Variants in CYP2A7 observed in about 807,000 individuals in gnomAD.
CYP2A7 encodes cytochrome P450 2A7.
In CYP2A7, 36 loss-of-function variants were observed where a neutral mutation model predicts 42.0. The ratio of observed to expected loss-of-function variants is 0.86; its 90% CI spans 0.66 to 1.13. The LOEUF (loss-of-function observed/expected upper bound fraction) is 1.13, where lower values mean the gene tolerates loss of function less well. CYP2A7 is among the 50% of genes most tolerant of loss of function. CYP2A7 has a pLI of 0.00. For missense variants in CYP2A7, 661 were observed against 634.1 expected, an observed-to-expected ratio of 1.04 and a Z score of -0.46; for synonymous variants, 260 against 249.5, an observed-to-expected ratio of 1.04 and a Z score of -0.40.
At position 40,880,243 on chromosome 19, in the gene CYP2A7, G is replaced by T. The variant is rs1655078054; in HGVS notation, c.495C>A (p.Gly165=). 2 of 1,612,402 alleles carry T rather than the reference G, an allele frequency of 1.2e-6. No homozygotes were observed. Among genetic ancestry groups the T allele is most frequent in the African/African-American group, 2.7e-5 (2 of 74,794 alleles). ...GGAAGAAGGTGGGATCGATATTGGC[G>T]CCTGCGGGTGTGGAGGGAGAAGGGG... ...FLIEAIRSTH[G]ANIDPTFFLS... Residue 165 remains glycine (G), a splice_region_variant and synonymous_variant, in exon 4 of 9, where the codon GGC becomes GGA. Coordinates refer to ENST00000301146, the MANE Select transcript of CYP2A7 (RefSeq NM_000764.3).
intron 7 of CYP2A7, among the ~76,000 whole-genome samples, chr19:40,876,920 A>G (rs936252552): frequency 6.6e-6 from 1 of 151,700 alleles, no homozygotes; most frequent in Non-Finnish European, 1.5e-5. Flanking sequence ...TCCCTAAGAC[A>G]AAAGGCCTAA....
chr19:40,876,456 AGAGGG>A (rs1471408846), intron 8 of CYP2A7, 66 bp downstream of exon 8: 1 of 1,607,616 alleles, frequency 6.2e-7, no homozygotes, highest in African/African-American at 1.3e-5. Flanking sequence ...TACACCGCAG[AGAGGG>A]GAGGTGGGTG....
intron 5 of CYP2A7, 47 bp from the exon 6 acceptor site, chr19:40,878,040 A>G (rs1481054439): frequency 6.3e-7 from 1 of 1,579,648 alleles, no homozygotes; most frequent in Admixed American, 1.9e-5. Flanking sequence ...TCTTGCCCTC[A>G]GGGCCCTTCT....
Position 40,876,781 on chromosome 19 carries a change from G to A in CYP2A7, c.1162-113C>T. 5.0e-6 allele frequency: 7 copies of A among 1,398,126 alleles called. No individual in the cohort carries two copies. The South Asian group carries it at 6.8e-5, about 14-fold the overall frequency. 86.6% of individuals were successfully genotyped at this position (1,398,126 alleles called of 1,614,324 possible). On this transcript the variant is annotated intron_variant, in intron 7 of 8. Coordinates refer to ENST00000301146, the MANE Select transcript of CYP2A7 (RefSeq NM_000764.3). The stretch of plus-strand genomic sequence containing the variant: ...CCAGGTAAGGGGAAGTGGCAGGCAT[G>A]GAGGAGTTGGGGTCCTGTGAAGGAG...
At position 40,880,260 on chromosome 19, in the gene CYP2A7, G is replaced by C. The variant is rs781398948; in HGVS notation, c.494-16C>G. ...ATATTGGCGCCTGCGGGTGTGGAGG[G>C]AGAAGGGGGTTGGGGAGAGAGTCAA... is the stretch of plus-strand genomic sequence containing the variant. On this transcript the variant is annotated splice_polypyrimidine_tract_variant and intron_variant, in intron 3 of 8. Transcript: ENST00000301146. The C allele has an allele frequency of 6.2e-7, 1 of 1,612,466 alleles. No homozygotes were observed. The highest frequency in any genetic ancestry group is 8.5e-7 in the Non-Finnish European group (1 of 1,178,976).
chr19:40,881,607 A>T lies in CYP2A7; in HGVS notation c.325T>A (p.Trp109Arg). 1.2e-6 allele frequency: 2 copies of T among 1,612,158 alleles called. No homozygotes were observed. The highest frequency in any genetic ancestry group is 1.7e-6 in the Non-Finnish European group (2 of 1,179,602). Residue 109 changes from tryptophan (W) to arginine (R), a missense_variant, in exon 2 of 9, where the codon TGG (tryptophan) becomes AGG (arginine). Physicochemically the swap from Trp to Arg is moderately radical, Grantham distance 101. Coordinates refer to ENST00000301146, the MANE Select transcript of CYP2A7 (RefSeq NM_000764.3). The part of the protein sequence containing the change: ...SGRGEQATFD[W>R]VFKGYGVAFS... ...CCCTCACCATAGCCTTTGAAGACCC[A>T]GTCGAAGGTGGCTTGCTCGCCTCGC... is the stretch of plus-strand genomic sequence containing the variant.
chr19:40,877,239 G>A lies in CYP2A7; in HGVS notation c.1112C>T (p.Ala371Val). 1.9e-6 allele frequency: 3 copies of A among 1,612,768 alleles called. No homozygotes were observed. Among genetic ancestry groups the A allele is most frequent in the East Asian group, 2.2e-5 (1 of 44,858 alleles). ...RFGDVIPMSLARRVKKDTKFR... is the reference protein window; with the variant it reads ...RFGDVIPMSLVRRVKKDTKFR... ...CTTGGTGTCCTTTTTAACCCTGCGG[G>A]CCAAACTCATGGGGATCACGTCTCC... Residue 371 changes from alanine to valine, a missense_variant, in exon 7 of 9, where the codon GCC (alanine) becomes GTC (valine). This residue lies in a region of CYP2A7 where 614 missense variants were observed against 552.4 expected (regional missense o/e 1.11). Coordinates refer to ENST00000301146, the MANE Select transcript of CYP2A7 (RefSeq NM_000764.3).
intron 4 of CYP2A7, 29 bp downstream of exon 4, chr19:40,880,055 G>T: frequency 6.2e-7 from 1 of 1,609,010 alleles, no homozygotes; most frequent in South Asian, 1.1e-5. Flanking sequence ...TGTGGTAGGG[G>T]CGTCACGGGC....
Position 40,876,538 on chromosome 19 carries a change from G to A in CYP2A7, c.1292C>T (p.Pro431Leu). ...CAGTGGTCTCTTACCGATGGAAAAG[G>A]GCACAAAAGCATCACTCTTCTTAAA... is the stretch of plus-strand genomic sequence containing the variant. ...GQFKKSDAFVPFSIGKRNCFG... is the reference protein window; with the variant it reads ...GQFKKSDAFVLFSIGKRNCFG... Residue 431 changes from proline (P) to leucine (L), a missense_variant, in exon 8 of 9, where the codon CCC (proline) becomes CTC (leucine). Transcript: ENST00000301146. 6.2e-7 allele frequency: 1 copy of A among 1,612,946 alleles called. No individual in the cohort carries two copies.
chr19:40,878,797 T>C lies in CYP2A7; in HGVS notation c.794A>G (p.Gln265Arg), dbSNP rs117539170. The change falls in exon 5 of 9, where the codon CAG becomes CGG. Residue 265 changes from glutamine (Q) to arginine (R), a missense_variant. By Grantham distance (43) the Gln-to-Arg change is conservative. This residue lies in a region of CYP2A7 where 614 missense variants were observed against 552.4 expected (regional missense o/e 1.11). Transcript: ENST00000301146. Reference protein sequence around the residue: ...NQRTLDPNSPQDFIDSFLIHM... With the variant: ...NQRTLDPNSPRDFIDSFLIHM... ...GATGAGAAAGGAGTCGATGAAGTCC[T>C]GTGGGGAATTGGGATCCAGCGTGCG... 315,052 of 1,557,326 alleles carry C rather than the reference T, an allele frequency of 0.2. 44,180 individuals are homozygous for C. Among genetic ancestry groups the C allele is most frequent in the Non-Finnish European group, 0.22 (246,913 of 1,134,072 alleles).
chr19:40,880,170 G>T lies in CYP2A7; in HGVS notation c.568C>A (p.Arg190Ser). The change falls in exon 4 of 9, where the codon CGC becomes AGC. Residue 190 changes from arginine to serine, a missense_variant. Arg to Ser is a moderately radical substitution (Grantham distance 110). Transcript: ENST00000301146. ...NVISSIVFGD[R>S]FDYEDKEFLS... ...AACTCTTTGTCCTCATAGTCAAAGC[G>T]GTCCCCAAAGACAATGGAGCTGATG... is the stretch of plus-strand genomic sequence containing the variant. The T allele has an allele frequency of 6.2e-7, 1 of 1,613,010 alleles. No homozygotes were observed. The highest frequency in any genetic ancestry group is 8.5e-7 in the Non-Finnish European group (1 of 1,179,276).
rs538436117 is a variant in CYP2A7 at position 40,880,566 on chromosome 19, T to G, written c.406A>C (p.Arg136=). Residue 136 remains arginine, a synonymous_variant, in exon 3 of 9, where the codon AGG becomes CGG. Coordinates refer to ENST00000301146, the MANE Select transcript of CYP2A7 (RefSeq NM_000764.3). The stretch of plus-strand genomic sequence containing the variant: ...CCTCGCTTGCCCACCCCGAAGTCCC[T>G]CAGGGTGGCGATGGCAAAGCGCAGG... ...QLLRFAIATL[R]DFGVGKRGIE... 372 of 1,609,246 alleles carry G rather than the reference T, an allele frequency of 2.3e-4. 8 individuals are homozygous for G. Among genetic ancestry groups the G allele is most frequent in the African/African-American group, 1.2e-3 (88 of 74,438 alleles).
rs777177594 is a variant in CYP2A7 at position 40,875,844 on chromosome 19, G to T, written c.1334C>A (p.Ala445Asp). The T allele has an allele frequency of 2.5e-6, 4 of 1,574,744 alleles. No individual in the cohort carries two copies. In the Admixed American group the frequency reaches 5.4e-5, roughly 21 times the overall value. Residue 445 changes from alanine to aspartate, a missense_variant, in exon 9 of 9, where the codon GCC becomes GAC. Around this residue, in one of 3 missense-constraint regions of CYP2A7, gnomAD observed 25 missense variants for 62.4 expected, o/e 0.40. Transcript: ENST00000301146. ...GAAGAAGAGAAAGAGCTCCATTCTGGCCAGGCCTTCTCCGAAACAGTTCCG... is the reference window on the plus strand; with the variant it reads ...GAAGAAGAGAAAGAGCTCCATTCTGTCCAGGCCTTCTCCGAAACAGTTCCG... ...GKRNCFGEGL[A>D]RMELFLFFTT...
In CYP2A7 at chr19:40,882,169, G is replaced by A. The variant is rs1307449767; in HGVS notation, c.42C>T (p.Cys14=). The A allele has an allele frequency of 1.2e-6, 2 of 1,613,992 alleles. No individual in the cohort carries two copies. The highest frequency in any genetic ancestry group is 1.1e-5 in the South Asian group (1 of 91,066). Residue 14 remains cysteine, a synonymous_variant, in exon 1 of 9, where the codon TGC becomes TGT. Coordinates refer to ENST00000301146, the MANE Select transcript of CYP2A7 (RefSeq NM_000764.3). Reference sequence around the variant, plus strand: ...CAGACATCAAGACCATCACAGTCAGGCAGGCCAGCAAGGCCACCAGAAGCA... The same window carrying A: ...CAGACATCAAGACCATCACAGTCAGACAGGCCAGCAAGGCCACCAGAAGCA... ...SGLLLVALLA[C]LTVMVLMSVW...
rs1967711706 is a variant in CYP2A7 at position 40,882,139 on chromosome 19, C to G, written c.72G>C (p.Trp24Cys). 1.2e-6 allele frequency: 2 copies of G among 1,613,964 alleles called. No homozygotes were observed. Among genetic ancestry groups the G allele is most frequent in the Admixed American group, 3.3e-5 (2 of 60,002 alleles). The change falls in exon 1 of 9, where the codon TGG (tryptophan) becomes TGC (cysteine). Residue 24 changes from tryptophan (W) to cysteine (C), a missense_variant. This residue lies in a region of CYP2A7 where 614 missense variants were observed against 552.4 expected (regional missense o/e 1.11). Transcript: ENST00000301146. ...CLTVMVLMSV[W>C]QQRKSRGKLP... ...GCTTCCCCCTGCTCTTCCTCTGCTG[C>G]CAGACAGACATCAAGACCATCACAG...
In CYP2A7 at chr19:40,878,770, T is replaced by C. The variant is rs4079366; in HGVS notation, c.821A>G (p.His274Arg). The change falls in exon 5 of 9, where the codon CAC becomes CGC. Residue 274 changes from histidine to arginine, a missense_variant. His to Arg is a conservative substitution (Grantham distance 29). Around this residue, in one of 3 missense-constraint regions of CYP2A7, gnomAD observed 614 missense variants for 552.4 expected, o/e 1.11. Coordinates refer to ENST00000301146, the MANE Select transcript of CYP2A7 (RefSeq NM_000764.3). ...GCTGCTGGGGTGTACCTCCTGCATGTGGATGAGAAAGGAGTCGATGAAGTC... is the reference window on the plus strand; with the variant it reads ...GCTGCTGGGGTGTACCTCCTGCATGCGGATGAGAAAGGAGTCGATGAAGTC... ...PQDFIDSFLI[H>R]MQEEEKNPNT... The C allele has an allele frequency of 0.76, 1,211,314 of 1,603,130 alleles. 466,643 individuals are homozygous for C. The highest frequency in any genetic ancestry group is 0.92 in the African/African-American group (69,094 of 74,890).
At chr19:40,880,778 C>T in intron 2 of CYP2A7, 150 bp from the exon 3 acceptor site, 1 of 117,384 alleles carries the variant, frequency 8.5e-6, no homozygotes, top group Admixed American at 3.4e-4. Context: ...CAGGTGCAAA[C>T]TCAGTCAGAG....
In CYP2A7 at chr19:40,880,234, G is replaced by T. The variant is rs775078619; in HGVS notation, c.504C>A (p.Ile168=). The T allele has an allele frequency of 6.2e-7, 1 of 1,612,708 alleles. No individual in the cohort carries two copies. The highest frequency in any genetic ancestry group is 1.7e-5 in the Admixed American group (1 of 59,892). The change falls in exon 4 of 9, where the codon ATC becomes ATA. Residue 168 remains isoleucine (I), a synonymous_variant. Coordinates refer to ENST00000301146, the MANE Select transcript of CYP2A7 (RefSeq NM_000764.3). ...TGCGGCTCAGGAAGAAGGTGGGATC[G>T]ATATTGGCGCCTGCGGGTGTGGAGG... The part of the protein sequence containing the change: ...EAIRSTHGAN[I]DPTFFLSRTV...
chr19:40,879,248 C>T (rs998195652), intron 4 of CYP2A7, among the ~76,000 whole-genome samples: 1 of 151,594 alleles, frequency 6.6e-6, no homozygotes, highest in Non-Finnish European at 1.5e-5. Flanking sequence ...TTGGAAGACA[C>T]CTGTCCAGGT....
Sources: gnomAD v4.1 joint callset for allele counts (sites outside exome capture counted in the v4.1 genomes callset) on GRCh38, gnomAD v4.1.1 for gene constraint, gnomAD v4.1.1 regional missense constraint, MANE v1.5 for transcripts, NCBI Gene and HGNC (gene_info 2026-07-23, HGNC 2026-07-21) for gene names.